The following CASP8 variants were observed in gnomAD, a reference collection of about 807,000 sequenced individuals.
CASP8 encodes caspase 8, also known as caspase-8.
In CASP8, 24 loss-of-function variants were observed where a neutral mutation model predicts 46.3. That is an observed-to-expected ratio of 0.52 (90% CI 0.38 to 0.73). The LOEUF is 0.73. Among genes scored for constraint, CASP8 ranks in the 30% least tolerant of loss-of-function variants. CASP8 has a pLI of 0.00. For missense variants in CASP8, 460 were observed against 559.0 expected (o/e 0.82, Z 1.79); for synonymous variants, 188 against 200.4 (o/e 0.94, Z 0.52).
chr2:201,248,188 C>T (rs1357186266), intron 2 of CASP8, among the ~76,000 whole-genome samples: 1 of 152,126 alleles, frequency 6.6e-6, no homozygotes, highest in East Asian at 1.9e-4. Context: ...GGTAATTAAG[C>T]AGGTAAAGAA....
chr2:201,266,497 G>C lies in CASP8; in HGVS notation c.11G>C (p.Ser4Thr). The C allele has an allele frequency of 6.2e-7, 1 of 1,614,002 alleles. No homozygotes were observed. The highest frequency in any genetic ancestry group is 1.3e-5 in the African/African-American group (1 of 75,042). Residue 4 changes from serine to threonine, a missense_variant, in exon 2 of 9, where the codon AGC (serine) becomes ACC (threonine). Ser to Thr is a moderately conservative substitution (Grantham distance 58, BLOSUM62 1). Transcript: ENST00000673742. This position sits in a 1 kb window ranked among gnomAD's most constrained non-coding sequence, Gnocchi z 5.7. MDF[S>T]RNLYDIGEQL... ...CTGCCTTTTAAAAAGATGGACTTCAGCAGAAATCTTTATGATATTGGGGAA... is the reference window on the plus strand; with the variant it reads ...CTGCCTTTTAAAAAGATGGACTTCACCAGAAATCTTTATGATATTGGGGAA...
chr2:201,258,300 C>G, upstream of CASP8: 1 of 1,614,106 alleles, frequency 6.2e-7, no homozygotes, highest in Non-Finnish European at 8.5e-7. Context: ...GAGCCTTTCC[C>G]ACCCCCTTCC....
Position 201,270,352 on chromosome 2 carries a change from A to G in CASP8, c.306-1164A>G, listed in dbSNP as rs575721529. Among the ~76,000 whole-genome samples the G allele has an allele frequency of 2.6e-5, 4 of 152,328 alleles. No homozygotes were observed. In the South Asian group the frequency reaches 8.3e-4, roughly 32 times the overall value. On this transcript the variant is annotated intron_variant, in intron 2 of 8. Transcript: ENST00000673742. ...AAACCTTCCTATGATGTGGTTACGG[A>G]TAATTATCTTCAGTCTATGGACGAG...
intron 2 of CASP8, chr2:201,269,528 G>T: frequency 6.2e-7 from 1 of 1,613,468 alleles, no homozygotes. Context: ...TCTGCCGCAT[G>T]AGCTGGGCTG....
In CASP8 at chr2:201,285,074, T is replaced by C. The variant is rs760720534; in HGVS notation, c.1061T>C (p.Val354Ala). The C allele has an allele frequency of 6.2e-7, 1 of 1,614,166 alleles. No individual in the cohort carries two copies. The highest frequency in any genetic ancestry group is 8.5e-7 in the Non-Finnish European group (1 of 1,180,026). The change falls in exon 8 of 9, where the codon GTG becomes GCG. Residue 354 changes from valine to alanine, a missense_variant. Val to Ala is a moderately conservative substitution (Grantham distance 64, BLOSUM62 0). Coordinates refer to ENST00000673742, the MANE Select transcript of CASP8 (RefSeq NM_001372051.1). ...KCPSLAGKPK[V>A]FFIQACQGDN... ...CCTTCCCTTGCTGGAAAACCCAAAG[T>C]GTTTTTTATTCAGGCTTGTCAGGGG...
intron 1 of CASP8, among the ~76,000 whole-genome samples, chr2:201,264,953 C>T (rs540093613): frequency 1.3e-5 from 2 of 152,260 alleles, no homozygotes; most frequent in South Asian, 4.1e-4. Context: ...GGGCCAGCTC[C>T]CTGCAGGGAA....
chr2:201,285,204 T>G lies in CASP8; in HGVS notation c.1191T>G (p.Ala397=), dbSNP rs759356977. The change falls in exon 8 of 9, where the codon GCT becomes GCG. Residue 397 remains alanine (A), a synonymous_variant. Transcript: ENST00000673742. ...AAACGAGATATATCCCGGATGAGGC[T>G]GACTTTCTGCTGGGGATGGCCACTG... ...SPQTRYIPDE[A]DFLLGMATVN... is the part of the protein sequence containing the mutation. 6.2e-7 allele frequency: 1 copy of G among 1,614,228 alleles called. No individual in the cohort carries two copies. The highest frequency in any genetic ancestry group is 8.5e-7 in the Non-Finnish European group (1 of 1,180,046).
Position 201,266,691 on chromosome 2 carries a change from A to G in CASP8, c.205A>G (p.Ile69Val), listed in dbSNP as rs2125155055. 2.5e-6 allele frequency: 4 copies of G among 1,614,092 alleles called. No homozygotes were observed. In the South Asian group the frequency reaches 4.4e-5, roughly 18 times the overall value. The stretch of plus-strand genomic sequence containing the variant: ...CTTCCTGAAGGAGCTGCTCTTCCGA[A>G]TTAATAGACTGGATTTGCTGATTAC... Reference protein sequence around the residue: ...LSFLKELLFRINRLDLLITYL... With the variant: ...LSFLKELLFRVNRLDLLITYL... The change falls in exon 2 of 9, where the codon ATT becomes GTT. Residue 69 changes from isoleucine (I) to valine (V), a missense_variant. Coordinates refer to ENST00000673742, the MANE Select transcript of CASP8 (RefSeq NM_001372051.1). The surrounding 1 kb of genome is among the most constrained non-coding windows in gnomAD (Gnocchi z 5.7).
chr2:201,281,669 T>C (rs1386842097), intron 7 of CASP8, among the ~76,000 whole-genome samples: 2 of 152,238 alleles, frequency 1.3e-5, no homozygotes, highest in Non-Finnish European at 2.9e-5. Context: ...AGTTGGATCT[T>C]TTATTCAAAA....
At chr2:201,260,387 G>A (rs992190985), upstream of CASP8, 3 of 235,600 alleles carry the variant, frequency 1.3e-5, no homozygotes, top group Admixed American at 2.0e-4. Context: ...TGGACCACCA[G>A]GCCTTTTTCC....
intron 1 of CASP8, among the ~76,000 whole-genome samples, chr2:201,261,607 G>A (rs961460206): frequency 1.3e-5 from 2 of 152,110 alleles, no homozygotes; most frequent in African/African-American, 2.4e-5. Flanking sequence ...TGGCTGCAGC[G>A]CCCTGTTATG....
In CASP8 at chr2:201,272,559, G is replaced by T; in HGVS notation, c.412-79G>T. 1 of 1,528,288 alleles carries T rather than the reference G, an allele frequency of 6.5e-7. No individual in the cohort carries two copies. The highest frequency in any genetic ancestry group is 9.0e-7 in the Non-Finnish European group (1 of 1,110,578). The allele number at this position is 1,528,288 out of a possible 1,614,324, so 94.7% of individuals were successfully genotyped here. On this transcript the variant is annotated intron_variant, in intron 3 of 8. Coordinates refer to ENST00000673742, the MANE Select transcript of CASP8 (RefSeq NM_001372051.1). The surrounding 1 kb of genome is among the most constrained non-coding windows in gnomAD (Gnocchi z 4.4). ...GGGCAGGTCCTTGGTTGGAGAAATT[G>T]GAAATTAAAAAAAAAAATCTAATCT...
chr2:201,273,019 C>G, intron 5 of CASP8, 77 bp downstream of exon 5: 1 of 1,134,500 alleles, frequency 8.8e-7, no homozygotes, highest in East Asian at 2.3e-5. Context: ...CCACAGCCTT[C>G]TACCACATGC....
intron 1 of CASP8, 89 bp downstream of exon 1, chr2:201,260,702 A>C: frequency 3.3e-6 from 1 of 300,364 alleles, no homozygotes; most frequent in Non-Finnish European, 4.9e-6. Context: ...TGAGAGTGAG[A>C]TCGGGTGGCC....
chr2:201,256,086 A>G (rs1413116418), upstream of CASP8, among the ~76,000 whole-genome samples: 1 of 152,232 alleles, frequency 6.6e-6, no homozygotes, highest in Non-Finnish European at 1.5e-5. Context: ...TGGAAGGCCC[A>G]GGCACTATTC....
intron 2 of CASP8, among the ~76,000 whole-genome samples, chr2:201,238,483 T>C (rs1946152444): frequency 6.6e-6 from 1 of 151,898 alleles, no homozygotes; most frequent in Non-Finnish European, 1.5e-5. Flanking sequence ...ACTCTGTCAC[T>C]CAGGCTGGAG....
intron 7 of CASP8, among the ~76,000 whole-genome samples, chr2:201,283,048 A>G (rs1186172848): frequency 6.4e-5 from 2 of 31,446 alleles, no homozygotes; most frequent in Admixed American, 2.9e-4. Flanking sequence ...CAGGGGGCTG[A>G]CCCCCCCTCC....
intron 5 of CASP8, 82 bp from the exon 6 acceptor site, chr2:201,274,807 T>G: frequency 9.4e-7 from 1 of 1,069,316 alleles, no homozygotes; most frequent in South Asian, 1.3e-5. Context: ...GACCTTATGT[T>G]GTCCTATGTG....
chr2:201,236,757 C>G (rs1376457609), intron 2 of CASP8, among the ~76,000 whole-genome samples: 1 of 151,910 alleles, frequency 6.6e-6, no homozygotes, highest in African/African-American at 2.4e-5. Flanking sequence ...AGGTGCGCAC[C>G]ACCGCACCTA....
Sources: gnomAD v4.1 joint callset for allele counts (sites outside exome capture counted in the v4.1 genomes callset) on GRCh38, gnomAD v4.1.1 for gene constraint, Gnocchi (gnomAD v3.1) non-coding constraint, MANE v1.5 for transcripts, NCBI Gene and HGNC (gene_info 2026-07-23, HGNC 2026-07-21) for gene names.